SV2B: variants seen among roughly 807,000 people sequenced by gnomAD.
SV2B encodes solute carrier family 22 member B2.
In SV2B, 41 loss-of-function variants were observed where a neutral mutation model predicts 73.9. The ratio of observed to expected loss-of-function variants is 0.56; its 90% CI spans 0.43 to 0.72. The LOEUF (loss-of-function observed/expected upper bound fraction) is 0.72. SV2B is among the 30% of genes least tolerant of loss of function. SV2B has a pLI of 0.00. For synonymous variants in SV2B, 314 were observed against 314.2 expected (o/e 1.00, Z 0.01); for missense variants, 764 against 857.8 (o/e 0.89, Z 1.37).
Position 91,124,739 on chromosome 15 carries a change from C to T in SV2B, c.-392+24376C>T, listed in dbSNP as rs2042428054. On this transcript the variant is annotated intron_variant, in intron 1 of 12. Coordinates refer to ENST00000394232, the MANE Select transcript of SV2B (RefSeq NM_001323032.3). The surrounding 1 kb of genome is among the most constrained non-coding windows in gnomAD (Gnocchi z 4.6). ...CACTATCTTGGCTCACTGCAACCTC[C>T]ACCTCCTGGGTTCAAGCGATTCTTG... is the stretch of plus-strand genomic sequence containing the variant. 1.3e-5 allele frequency among the ~76,000 whole-genome samples: 2 copies of T among 152,086 alleles called. No homozygotes were observed. Among genetic ancestry groups the T allele is most frequent in the Admixed American group, 6.5e-5 (1 of 15,272 alleles).
intron 1 of SV2B, among the ~76,000 whole-genome samples, chr15:91,169,052 C>G (rs372446290): frequency 2.6e-5 from 4 of 152,026 alleles, no homozygotes; most frequent in African/African-American, 9.7e-5. Context: ...ATATTTATTA[C>G]TCATTTGATG....
At chr15:91,273,244 GAA>G (rs2048375969) in intron 9 of SV2B, among the ~76,000 whole-genome samples, 9 of 152,170 alleles carry the variant, frequency 5.9e-5, no homozygotes, top group African/African-American at 2.2e-4. Context: ...CTTGATCCCA[GAA>G]AGTTGCCAAG....
chr15:91,188,970 G>A (rs996947388), intron 1 of SV2B, among the ~76,000 whole-genome samples: 12 of 152,110 alleles, frequency 7.9e-5, no homozygotes, highest in African/African-American at 2.9e-4. Flanking sequence ...GGCATTACAG[G>A]TGCACACCAC....
chr15:91,184,427 G>C (rs1013675157), intron 1 of SV2B, among the ~76,000 whole-genome samples: 5 of 152,262 alleles, frequency 3.3e-5, no homozygotes, highest in African/African-American at 9.6e-5. Context: ...TTGGATGTCA[G>C]ATTTTGTGAG....
At chr15:91,257,965 A>T (rs2141639200) in intron 4 of SV2B, among the ~76,000 whole-genome samples, 1 of 152,298 alleles carries the variant, frequency 6.6e-6, no homozygotes, top group East Asian at 1.9e-4. Flanking sequence ...GATGTGGCAT[A>T]TGTGGGTGTA....
chr15:91,104,182 G>T (rs1286341414), intron 1 of SV2B, among the ~76,000 whole-genome samples: 1 of 152,224 alleles, frequency 6.6e-6, no homozygotes, highest in Non-Finnish European at 1.5e-5. Flanking sequence ...ATGTCTCTTG[G>T]TTGGCTGGGT....
intron 2 of SV2B, among the ~76,000 whole-genome samples, chr15:91,244,960 T>C (rs8024874): frequency 0.015 from 2,245 of 152,294 alleles, 48 homozygotes; most frequent in African/African-American, 0.052. Context: ...AATGAATGCA[T>C]TTAATTTCTA....
At chr15:91,286,706 G>T (rs901501633) in intron 11 of SV2B, among the ~76,000 whole-genome samples, 1 of 152,036 alleles carries the variant, frequency 6.6e-6, no homozygotes, top group African/African-American at 2.4e-5. Context: ...TGAGGTAGGC[G>T]CCATTTTAAT....
intron 9 of SV2B, among the ~76,000 whole-genome samples, chr15:91,269,712 G>A (rs547459220): frequency 6.6e-6 from 1 of 152,294 alleles, no homozygotes; most frequent in South Asian, 2.1e-4. Context: ...CTTTAGCTAA[G>A]GCTTCCTGTT....
At chr15:91,142,292 CT>C (rs2043019607) in intron 1 of SV2B, among the ~76,000 whole-genome samples, 1 of 152,142 alleles carries the variant, frequency 6.6e-6, no homozygotes, top group African/African-American at 2.4e-5. Context: ...CTTTTGCTAC[CT>C]TTTCACTTGC....
intron 1 of SV2B, among the ~76,000 whole-genome samples, chr15:91,144,882 T>G (rs2043100467): frequency 6.9e-6 from 1 of 144,242 alleles, no homozygotes; most frequent in Non-Finnish European, 1.5e-5. Context: ...CCTTAAGGTG[T>G]GATGAAGAGA....
intron 1 of SV2B, among the ~76,000 whole-genome samples, chr15:91,164,710 T>C (rs903341348): frequency 1.3e-5 from 2 of 152,186 alleles, no homozygotes; most frequent in Admixed American, 6.5e-5. Context: ...GAAAAAGCTA[T>C]TCATAGATCA....
intron 1 of SV2B, among the ~76,000 whole-genome samples, chr15:91,143,645 G>A (rs546491164): frequency 9.2e-5 from 14 of 152,346 alleles, no homozygotes; most frequent in African/African-American, 3.4e-4. Flanking sequence ...TACGTGTGAT[G>A]TTAACATCAT....
chr15:91,248,184 G>A (rs2047323040), intron 2 of SV2B, among the ~76,000 whole-genome samples: 1 of 152,130 alleles, frequency 6.6e-6, no homozygotes, highest in African/African-American at 2.4e-5. Flanking sequence ...AGCCGGGCGT[G>A]GTGGTGGGCG....
intron 1 of SV2B, among the ~76,000 whole-genome samples, chr15:91,205,675 A>G (rs1377051342): frequency 6.6e-6 from 1 of 152,114 alleles, no homozygotes; most frequent in Non-Finnish European, 1.5e-5. Context: ...CCAGGATAAC[A>G]ACATTTTCAT....
chr15:91,163,792 C>T (rs1177483203), intron 1 of SV2B, among the ~76,000 whole-genome samples: 9 of 152,290 alleles, frequency 5.9e-5, no homozygotes, highest in Non-Finnish European at 1.0e-4. Flanking sequence ...TCAATTTTGG[C>T]TTTTGTTGCC....
chr15:91,116,885 T>C (rs2042195796), intron 1 of SV2B, among the ~76,000 whole-genome samples: 1 of 152,196 alleles, frequency 6.6e-6, no homozygotes, highest in East Asian at 1.9e-4. Context: ...CAAGAGACCA[T>C]GTGCAGGGGA....
rs891157566 is a variant in SV2B at position 91,226,221 on chromosome 15, G to T, written c.-43G>T. On this transcript the variant is annotated 5_prime_UTR_variant, in exon 2 of 13. Coordinates refer to ENST00000394232, the MANE Select transcript of SV2B (RefSeq NM_001323032.3). The stretch of plus-strand genomic sequence containing the variant: ...GCCCAAACCTCTACCACAGAGCGAG[G>T]GATATAGCTCAAGGGGCAACCAGGC... 2 of 1,593,724 alleles carry T rather than the reference G, an allele frequency of 1.3e-6. No individual in the cohort carries two copies. Among genetic ancestry groups the T allele is most frequent in the Non-Finnish European group, 8.6e-7 (1 of 1,163,348 alleles).
intron 1 of SV2B, among the ~76,000 whole-genome samples, chr15:91,120,168 A>T (rs540560786): frequency 6.6e-6 from 1 of 152,218 alleles, no homozygotes; most frequent in Non-Finnish European, 1.5e-5. Flanking sequence ...TATGAAGAAA[A>T]GAGGTTTAAT....
Sources: gnomAD v4.1 joint callset for allele counts (sites outside exome capture counted in the v4.1 genomes callset) on GRCh38, gnomAD v4.1.1 for gene constraint, Gnocchi (gnomAD v3.1) non-coding constraint, MANE v1.5 for transcripts, NCBI Gene and HGNC (gene_info 2026-07-23, HGNC 2026-07-21) for gene names.